The following WDPCP variants were observed in gnomAD, a reference collection of about 807,000 sequenced individuals.
WDPCP encodes the protein WD repeat-containing and planar cell polarity effector protein fritz homolog.
In WDPCP, 71 loss-of-function variants were observed where a neutral mutation model predicts 93.1. The ratio of observed to expected loss-of-function variants is 0.76; its 90% CI spans 0.63 to 0.93. The LOEUF is 0.93. Among genes scored for constraint, WDPCP ranks in the 40% least tolerant of loss-of-function variants. The pLI, the probability that WDPCP is intolerant of heterozygous loss-of-function variation, is 0.00. For synonymous variants in WDPCP, 315 were observed against 315.0 expected (o/e 1.00, Z 0.00); for missense variants, 844 against 887.4 (o/e 0.95, Z 0.62).
chr2:63,670,309 C>T (rs1420517342), intron 2 of WDPCP, among the ~76,000 whole-genome samples: 1 of 152,168 alleles, frequency 6.6e-6, no homozygotes, highest in Admixed American at 6.5e-5. Context: ...GTCTGGTATA[C>T]TTTGGCTCTG....
intron 12 of WDPCP, among the ~76,000 whole-genome samples, chr2:63,339,870 A>G (rs555982898): frequency 3.3e-5 from 5 of 152,110 alleles, no homozygotes; most frequent in Non-Finnish European, 5.9e-5. Context: ...TGTTCCTTCT[A>G]TACTTATTTT....
chr2:63,557,008 C>T (rs921803002), intron 1 of WDPCP, among the ~76,000 whole-genome samples: 52 of 152,110 alleles, frequency 3.4e-4, no homozygotes, highest in African/African-American at 1.2e-3. Flanking sequence ...TACAAGAGCT[C>T]CTAAAGGAAG....
chr2:63,437,602 AG>A, intron 7 of WDPCP, 48 bp from the exon 8 acceptor site: 1 of 1,495,948 alleles, frequency 6.7e-7, no homozygotes, highest in South Asian at 1.3e-5. Context: ...AATAATGAAT[AG>A]ATTTTTCCAC....
rs898119207 is a variant in WDPCP at position 63,426,724 on chromosome 2, G to T, written c.825+7021C>A. 1.5e-4 allele frequency among the ~76,000 whole-genome samples: 23 copies of T among 152,272 alleles called. 1 individual carries two copies. The highest frequency in any genetic ancestry group is 5.5e-4 in the African/African-American group (23 of 41,558). ...AATCTCACATATCAGTATTAACTTT[G>T]AATGTAAATGGTCCTGACATCCCAC... On this transcript the variant is annotated intron_variant, in intron 9 of 17. Transcript: ENST00000272321.
intron 3 of WDPCP, among the ~76,000 whole-genome samples, chr2:63,647,987 T>C (rs1487395441): frequency 3.3e-5 from 5 of 152,196 alleles, no homozygotes; most frequent in African/African-American, 1.2e-4. Flanking sequence ...GTAACCCAAC[T>C]TCTTACTGAT....
At chr2:63,682,998 T>C (rs1668741054) in intron 2 of WDPCP, among the ~76,000 whole-genome samples, 1 of 152,226 alleles carries the variant, frequency 6.6e-6, no homozygotes, top group African/African-American at 2.4e-5. Flanking sequence ...GTGTTTTTTA[T>C]GCAATCAGTG....
At chr2:63,279,710 C>T (rs1015089432) in intron 13 of WDPCP, among the ~76,000 whole-genome samples, 2 of 152,170 alleles carry the variant, frequency 1.3e-5, no homozygotes, top group African/African-American at 4.8e-5. Context: ...TCTAGAACAC[C>T]TTAAAGACAC....
intron 2 of WDPCP, among the ~76,000 whole-genome samples, chr2:63,756,659 T>C (rs182731225): frequency 8.5e-5 from 13 of 152,290 alleles, no homozygotes; most frequent in Admixed American, 2.6e-4. Flanking sequence ...GGGCAAGTCA[T>C]CTAGTCTATT....
chr2:63,153,920 A>G (rs2103829175), intron 15 of WDPCP, among the ~76,000 whole-genome samples: 1 of 152,134 alleles, frequency 6.6e-6, no homozygotes. Context: ...ACTCATGGTT[A>G]TTACAAAATT....
intron 11 of WDPCP, among the ~76,000 whole-genome samples, chr2:63,381,011 G>C (rs1055937464): frequency 1.3e-5 from 2 of 152,030 alleles, no homozygotes; most frequent in Non-Finnish European, 2.9e-5. Context: ...GAAAAGAAAA[G>C]CTCTTCAAGT....
intron 6 of WDPCP, among the ~76,000 whole-genome samples, chr2:63,462,280 C>T (rs1699067348): frequency 6.6e-6 from 1 of 152,134 alleles, no homozygotes; most frequent in Admixed American, 6.5e-5. Context: ...TATTCTCACT[C>T]ATAGGTGGGA....
intron 6 of WDPCP, among the ~76,000 whole-genome samples, chr2:63,473,659 A>AT (rs1699811240): frequency 6.6e-6 from 1 of 152,160 alleles, no homozygotes; most frequent in Non-Finnish European, 1.5e-5. Context: ...CCAAAAACCG[A>AT]TATCTCCTAT....
At position 63,383,374 on chromosome 2, in the gene WDPCP, T is replaced by C. The variant is rs144277657; in HGVS notation, c.1436-1280A>G. ...ACCTAATAACAGAGCTGTGAAATAATAAAGCAAAAACTGACAGAACTAAAA... is the reference window on the plus strand; with the variant it reads ...ACCTAATAACAGAGCTGTGAAATAACAAAGCAAAAACTGACAGAACTAAAA... On this transcript the variant is annotated intron_variant, in intron 10 of 17. Transcript: ENST00000272321. Among the ~76,000 whole-genome samples, 179 of 152,116 alleles carry C rather than the reference T, an allele frequency of 1.2e-3. 2 individuals carry two copies. The highest frequency in any genetic ancestry group is 4.0e-3 in the African/African-American group (165 of 41,516).
intron 14 of WDPCP, among the ~76,000 whole-genome samples, chr2:63,210,560 C>G (rs1218190447): frequency 2.6e-5 from 4 of 152,066 alleles, no homozygotes; most frequent in Non-Finnish European, 5.9e-5. Flanking sequence ...TCTGCATTTC[C>G]AACTGAGGTA....
chr2:63,531,106 A>C lies in WDPCP; in HGVS notation c.76-38166T>G, dbSNP rs1293097875. ...TGCTCACTGCTAGCACAGCAGTCCAAGATCGAACTGTGAGGCAGCAACGAG... is the reference window on the plus strand; with the variant it reads ...TGCTCACTGCTAGCACAGCAGTCCACGATCGAACTGTGAGGCAGCAACGAG... On this transcript the variant is annotated intron_variant, in intron 1 of 17. Coordinates refer to ENST00000272321, the MANE Select transcript of WDPCP (RefSeq NM_015910.7). 3.3e-5 allele frequency among the ~76,000 whole-genome samples: 5 copies of C among 152,210 alleles called. No homozygotes were observed. The East Asian group carries it at 7.7e-4, about 23-fold the overall frequency.
At chr2:63,450,982 C>T (rs1698205425) in intron 6 of WDPCP, among the ~76,000 whole-genome samples, 1 of 151,890 alleles carries the variant, frequency 6.6e-6, no homozygotes, top group Admixed American at 6.6e-5. Context: ...TAATAATCCC[C>T]CAACATCGGA....
chr2:63,263,834 T>G (rs1046828829), intron 13 of WDPCP, among the ~76,000 whole-genome samples: 1 of 152,206 alleles, frequency 6.6e-6, no homozygotes, highest in Non-Finnish European at 1.5e-5. Context: ...TGCAAACAAG[T>G]GGCCACCAGC....
At chr2:63,552,210 A>G (rs1464561239) in intron 1 of WDPCP, among the ~76,000 whole-genome samples, 1 of 150,714 alleles carries the variant, frequency 6.6e-6, no homozygotes, top group Non-Finnish European at 1.5e-5. Context: ...TTTACTCTGT[A>G]TTTGGGCACT....
chr2:63,648,746 G>A (rs1466969453), intron 3 of WDPCP, among the ~76,000 whole-genome samples: 4 of 152,064 alleles, frequency 2.6e-5, no homozygotes, highest in Non-Finnish European at 1.5e-5. Flanking sequence ...ATTCTTAAAT[G>A]CCCATAACTG....
Sources: gnomAD v4.1 joint callset for allele counts (sites outside exome capture counted in the v4.1 genomes callset) on GRCh38, gnomAD v4.1.1 for gene constraint, MANE v1.5 for transcripts, NCBI Gene and HGNC (gene_info 2026-07-23, HGNC 2026-07-21) for gene names.